The following TET1 variants were observed in gnomAD, a reference collection of about 807,000 sequenced individuals.
TET1 encodes the protein tet methylcytosine dioxygenase 1.
Under a neutral mutation model 148.7 loss-of-function variants are expected in TET1, and 13 were observed. That is an observed-to-expected ratio of 0.09 (90% CI 0.06 to 0.14). The LOEUF (loss-of-function observed/expected upper bound fraction) is 0.14, where lower values mean the gene tolerates loss of function less well. TET1 is among the 10% of genes least tolerant of loss of function. The pLI is 1.00. For synonymous variants in TET1, 907 were observed against 937.2 expected (o/e 0.97, Z 0.59); for missense variants, 2,182 against 2,553.8 (o/e 0.85, Z 3.14).
Position 68,690,828 on chromosome 10 carries a change from C to A in TET1, c.5425C>A (p.Gln1809Lys), listed in dbSNP as rs1339129070. 2 of 1,608,936 alleles carry A rather than the reference C, an allele frequency of 1.2e-6. No individual in the cohort carries two copies. Among genetic ancestry groups the A allele is most frequent in the Non-Finnish European group, 1.7e-6 (2 of 1,176,274 alleles). Residue 1809 changes from glutamine (Q) to lysine (K), a missense_variant, in exon 12 of 12, where the codon CAA (glutamine) becomes AAA (lysine). Physicochemically the swap from Gln to Lys is moderately conservative, Grantham distance 53. This residue lies in a region of TET1 where 380 missense variants were observed against 387.9 expected (regional missense o/e 0.98). Transcript: ENST00000373644. ...PTLGSNTETV[Q>K]PEVKSETEPH... ...TTTAGGGAGTAACACTGAGACCGTG[C>A]AACCTGAAGTAAAAAGTGAAACCGA...
intron 3 of TET1, among the ~76,000 whole-genome samples, chr10:68,603,285 G>T (rs759386345): frequency 2.3e-4 from 35 of 152,160 alleles, no homozygotes; most frequent in Non-Finnish European, 4.6e-4. Flanking sequence ...GATGCTGCAG[G>T]TATCCTGATT....
At chr10:68,684,375 CT>C (rs5785868) in intron 10 of TET1, among the ~76,000 whole-genome samples, 56 of 139,434 alleles carry the variant, frequency 4.0e-4, no homozygotes, top group Admixed American at 5.8e-4. Flanking sequence ...GCCACAACAA[CT>C]TTTTTTTTTT....
rs139944586 is a variant in TET1 at position 68,646,617 on chromosome 10, C to T, written c.3888C>T (p.Ala1296=). 2.9e-4 allele frequency: 463 copies of T among 1,614,122 alleles called. 1 individual carries two copies. In the African/African-American group the frequency reaches 5.6e-3, roughly 19 times the overall value. Residue 1296 remains alanine, a synonymous_variant, in exon 4 of 12, where the codon GCC becomes GCT. Transcript: ENST00000373644. ...VQLTVNANQK[A]HPLTQPSSPP... Reference sequence around the variant, plus strand: ...TAACGGTGAATGCCAATCAGAAAGCCCATCCTTTGACCCAGCCCTCCTCTC... The same window carrying T: ...TAACGGTGAATGCCAATCAGAAAGCTCATCCTTTGACCCAGCCCTCCTCTC...
At chr10:68,600,325 G>T (rs1417005272) in intron 2 of TET1, among the ~76,000 whole-genome samples, 2 of 152,242 alleles carry the variant, frequency 1.3e-5, no homozygotes, top group Middle Eastern at 3.4e-3. Context: ...CTCTACCATC[G>T]ATCCAATGGT....
At chr10:68,634,085 A>T (rs2054616079) in intron 3 of TET1, among the ~76,000 whole-genome samples, 2 of 152,102 alleles carry the variant, frequency 1.3e-5, no homozygotes, top group African/African-American at 4.8e-5. Context: ...GGGTTTCACC[A>T]TGTTGCCTAG....
At chr10:68,671,985 G>A (rs892172766) in intron 7 of TET1, among the ~76,000 whole-genome samples, 15 of 151,976 alleles carry the variant, frequency 9.9e-5, no homozygotes, top group African/African-American at 2.9e-4. Context: ...CTCATGATCC[G>A]CCCACCTTGG....
At chr10:68,636,953 TGAC>T (rs1357290978) in intron 3 of TET1, among the ~76,000 whole-genome samples, 1 of 110,884 alleles carries the variant, frequency 9.0e-6, no homozygotes, top group African/African-American at 3.5e-5. Flanking sequence ...GTTTAGCAGC[TGAC>T]TTTTGTTTTC....
At position 68,645,270 on chromosome 10, in the gene TET1, T is replaced by A; in HGVS notation, c.2541T>A (p.Ala847=). The change falls in exon 4 of 12, where the codon GCT becomes GCA. Residue 847 remains alanine (A), a synonymous_variant. Coordinates refer to ENST00000373644, the MANE Select transcript of TET1 (RefSeq NM_030625.3). ...HSSHSIINHH[A]SIHNEGDQPK... Reference sequence around the variant, plus strand: ...CACACTCCATCATAAATCATCATGCTAGTATACACAATGAAGGTGATCAAC... The same window carrying A: ...CACACTCCATCATAAATCATCATGCAAGTATACACAATGAAGGTGATCAAC... The A allele has an allele frequency of 1.2e-6, 2 of 1,614,148 alleles. No homozygotes were observed. The highest frequency in any genetic ancestry group is 1.7e-6 in the Non-Finnish European group (2 of 1,180,030).
chr10:68,632,206 T>C (rs1021054936), intron 3 of TET1, among the ~76,000 whole-genome samples: 128 of 151,768 alleles, frequency 8.4e-4, no homozygotes, highest in Middle Eastern at 6.8e-3. Context: ...CCTGTAGTCC[T>C]AGCTACTCAG....
intron 6 of TET1, among the ~76,000 whole-genome samples, chr10:68,662,926 G>A (rs2055143335): frequency 6.6e-6 from 1 of 151,854 alleles, no homozygotes. Flanking sequence ...GTCTCCAAAA[G>A]GAAAAGAAAA....
chr10:68,632,766 G>C, intron 3 of TET1: 1 of 1,439,156 alleles, frequency 6.9e-7, no homozygotes, highest in Admixed American at 2.0e-5. Context: ...TGTAAACGAA[G>C]TTAAGATCAA....
chr10:68,624,895 C>T (rs1360850348), intron 3 of TET1, among the ~76,000 whole-genome samples: 2 of 151,164 alleles, frequency 1.3e-5, no homozygotes, highest in Non-Finnish European at 2.9e-5. Flanking sequence ...TCACGCCCAG[C>T]TAATTTTTTT....
intron 2 of TET1, among the ~76,000 whole-genome samples, chr10:68,597,030 A>ATTTTTTTTTTTTTTTTTCTTTTTT (rs2053996658): frequency 1.0e-5 from 1 of 98,894 alleles, no homozygotes; most frequent in African/African-American, 4.4e-5. Flanking sequence ...CAGCTAATGG[A>ATTTTTTTTTTTTTTTTTCTTTTTT]TTTTTTTTTT....
At chr10:68,562,621 A>G (rs2053566155) in intron 1 of TET1, among the ~76,000 whole-genome samples, 1 of 151,500 alleles carries the variant, frequency 6.6e-6, no homozygotes, top group South Asian at 2.1e-4. Context: ...CTCTTTGCAA[A>G]GATGAGGAGT....
intron 6 of TET1, among the ~76,000 whole-genome samples, chr10:68,665,755 G>A (rs1255678055): frequency 6.6e-6 from 1 of 151,944 alleles, no homozygotes; most frequent in East Asian, 1.9e-4. Context: ...TTATTTGGCT[G>A]TAAGAGGACG....
chr10:68,586,492 T>TTTTTTTG (rs1554931443), intron 2 of TET1, among the ~76,000 whole-genome samples: 6 of 150,276 alleles, frequency 4.0e-5, no homozygotes, highest in African/African-American at 1.5e-4. Flanking sequence ...AACGTTTTTT[T>TTTTTTTG]TTTTTTTTTA....
chr10:68,690,004 T>C (rs1464130268), intron 11 of TET1, among the ~76,000 whole-genome samples: 1 of 152,224 alleles, frequency 6.6e-6, no homozygotes, highest in Non-Finnish European at 1.5e-5. Flanking sequence ...TCCCTCTGCC[T>C]AACCTTGGAC....
intron 3 of TET1, among the ~76,000 whole-genome samples, chr10:68,604,496 T>C (rs762844556): frequency 4.6e-5 from 7 of 151,830 alleles, no homozygotes; most frequent in Non-Finnish European, 8.8e-5. Flanking sequence ...TACAGCTGAG[T>C]AGAGGAAGCA....
At chr10:68,561,007 C>T (rs966595499) in intron 1 of TET1, among the ~76,000 whole-genome samples, 1 of 152,166 alleles carries the variant, frequency 6.6e-6, no homozygotes, top group Non-Finnish European at 1.5e-5. Flanking sequence ...CCCGCCACAG[C>T]GCCGGGTTGG....
Sources: allele counts gnomAD v4.1 joint callset (sites outside exome capture counted in the v4.1 genomes callset), GRCh38; gene constraint gnomAD v4.1.1; regional missense constraint gnomAD v4.1.1; transcripts MANE v1.5; gene names NCBI Gene and HGNC (gene_info 2026-07-23, HGNC 2026-07-21).